Variants in PRRT1B observed in about 807,000 individuals in gnomAD.
PRRT1B encodes dispanin subfamily D member 2.
chr9:131,552,016 C>T (rs1032814404), intron 1 of PRRT1B, among the ~76,000 whole-genome samples: 1 of 152,196 alleles, frequency 6.6e-6, no homozygotes, highest in Non-Finnish European at 1.5e-5. Context: ...TGGTCTGGAA[C>T]TCCTGACCTC....
chr9:131,551,047 A>T lies in PRRT1B; in HGVS notation c.26-3510A>T, dbSNP rs1475921075. On this transcript the variant is annotated intron_variant, in intron 1 of 3. Coordinates refer to ENST00000636672, the Ensembl canonical transcript of PRRT1B. The surrounding 1 kb of genome is among the most constrained non-coding windows in gnomAD (Gnocchi z 4.4). The stretch of plus-strand genomic sequence containing the variant: ...AAGCTCTGCCTCCCGGGTTCACGCC[A>T]TTCTTCTGCCTCAGCCTCCCGAGTA... 7.4e-6 allele frequency among the ~76,000 whole-genome samples: 1 copy of T among 135,016 alleles called. No individual in the cohort carries two copies. The highest frequency in any genetic ancestry group is 1.5e-5 in the Non-Finnish European group (1 of 65,884). 88.6% of individuals were successfully genotyped at this position (135,016 alleles called of 152,430 possible). A position where few individuals can be genotyped will look rare whatever the true frequency, so the allele number is the denominator to read the frequency against.
intron 1 of PRRT1B, among the ~76,000 whole-genome samples, chr9:131,546,136 T>C (rs568216081): frequency 6.6e-6 from 1 of 152,188 alleles, no homozygotes; most frequent in South Asian, 2.1e-4. Flanking sequence ...GTCCCGCCTC[T>C]GGCAGCTCAG....
intron 3 of PRRT1B, among the ~76,000 whole-genome samples, 177 bp from the exon 4 acceptor site, chr9:131,557,876 G>A (rs1193470606): frequency 6.6e-6 from 1 of 152,268 alleles, no homozygotes; most frequent in East Asian, 1.9e-4. Context: ...GATGGCTGGC[G>A]GCCGCCACTG....
intron 1 of PRRT1B, among the ~76,000 whole-genome samples, chr9:131,552,565 C>T (rs1421935442): frequency 6.6e-6 from 1 of 152,186 alleles, no homozygotes; most frequent in East Asian, 1.9e-4. Flanking sequence ...AGTTCTGTTT[C>T]ACCTTCTATG....
intron 1 of PRRT1B, among the ~76,000 whole-genome samples, chr9:131,550,044 C>G (rs1379066772): frequency 1.3e-5 from 2 of 152,132 alleles, no homozygotes; most frequent in Non-Finnish European, 2.9e-5. Flanking sequence ...CACCCTTACC[C>G]TGCTCAATGC....
intron 1 of PRRT1B, among the ~76,000 whole-genome samples, chr9:131,547,844 G>A (rs890615337): frequency 1.3e-5 from 2 of 152,114 alleles, no homozygotes; most frequent in African/African-American, 4.8e-5. Context: ...CAGTCTTGGT[G>A]CCACACTTCA....
At chr9:131,558,823 G>A (rs984940650), downstream of PRRT1B, among the ~76,000 whole-genome samples, 1 of 152,172 alleles carries the variant, frequency 6.6e-6, no homozygotes, top group Non-Finnish European at 1.5e-5. Flanking sequence ...ACATCCGTGC[G>A]GAGCTTCACA....
chr9:131,547,711 A>G (rs1564415721), intron 1 of PRRT1B, among the ~76,000 whole-genome samples: 1 of 152,176 alleles, frequency 6.6e-6, no homozygotes, highest in Non-Finnish European at 1.5e-5. Flanking sequence ...AGATCCACCT[A>G]CGACCTCGGG....
At chr9:131,552,850 T>G (rs1181704110) in intron 1 of PRRT1B, among the ~76,000 whole-genome samples, 1 of 147,608 alleles carries the variant, frequency 6.8e-6, no homozygotes, top group East Asian at 2.0e-4. Flanking sequence ...TTTTTTTTTT[T>G]TTTTTTTTGT....
chr9:131,553,238 G>A (rs1224016478), intron 1 of PRRT1B, among the ~76,000 whole-genome samples: 1 of 152,130 alleles, frequency 6.6e-6, no homozygotes, highest in Non-Finnish European at 1.5e-5. Flanking sequence ...TCTCTGGGAC[G>A]CTTTCTCATC....
At chr9:131,554,969 C>T (rs1951038637) in exon 2 of PRRT1B, 1 of 391,774 alleles carries the variant, frequency 2.6e-6, no homozygotes, top group Admixed American at 4.5e-5. Context: ...TCTACCCAGC[C>T]GCGCCCACGC....
chr9:131,545,740 G>GGGCAGGTACTGGCGC, intron 1 of PRRT1B, 100 bp downstream of exon 1: 1 of 405,202 alleles, frequency 2.5e-6, no homozygotes. Context: ...GGTACTGGCG[G>GGGCAGGTACTGGCGC]GGCAGGTGCT....
intron 1 of PRRT1B, among the ~76,000 whole-genome samples, chr9:131,553,692 A>G (rs1951026878): frequency 6.6e-6 from 1 of 152,176 alleles, no homozygotes; most frequent in South Asian, 2.1e-4. Flanking sequence ...ACACTTAGGA[A>G]ATGGACCTCC....
At chr9:131,555,928 C>A (rs566621020) in intron 2 of PRRT1B, 142 bp from the exon 3 acceptor site, 1 of 396,214 alleles carries the variant, frequency 2.5e-6, no homozygotes, top group Admixed American at 4.4e-5. Flanking sequence ...CCTGACCCAA[C>A]CCCTCCGTGA....
chr9:131,554,431 T>G, intron 1 of PRRT1B, 126 bp from the exon 2 acceptor site: 1 of 365,796 alleles, frequency 2.7e-6, no homozygotes, highest in African/African-American at 2.1e-5. Flanking sequence ...TTAGTCCCTT[T>G]GCGTCACGAT....
In PRRT1B at chr9:131,551,721, C is replaced by T. The variant is rs906014726; in HGVS notation, c.26-2836C>T. On this transcript the variant is annotated intron_variant, in intron 1 of 3. Coordinates refer to ENST00000636672, the Ensembl canonical transcript of PRRT1B. This position sits in a 1 kb window ranked among gnomAD's most constrained non-coding sequence, Gnocchi z 4.4. ...GGCTCATCCTGGCTCAAAAGCTCCC[C>T]CACTGAGCACCTTGTGACCCCCACT... 9.2e-5 allele frequency among the ~76,000 whole-genome samples: 14 copies of T among 152,168 alleles called. No homozygotes were observed. The highest frequency in any genetic ancestry group is 1.5e-4 in the Non-Finnish European group (10 of 68,000).
chr9:131,549,596 A>G (rs74608184), intron 1 of PRRT1B, among the ~76,000 whole-genome samples: 13,751 of 152,074 alleles, frequency 0.09, 808 homozygotes, highest in Admixed American at 0.14. Context: ...CCCCTAGACC[A>G]TCACGGATGC....
chr9:131,549,283 G>C (rs1231885958), intron 1 of PRRT1B, among the ~76,000 whole-genome samples: 1 of 152,164 alleles, frequency 6.6e-6, no homozygotes, highest in African/African-American at 2.4e-5. Context: ...ACATCTCCAG[G>C]ACACAAGAAC....
chr9:131,553,510 G>C (rs1951025770), intron 1 of PRRT1B, among the ~76,000 whole-genome samples: 1 of 152,152 alleles, frequency 6.6e-6, no homozygotes, highest in African/African-American at 2.4e-5. Flanking sequence ...TGCTGGGAGG[G>C]GGTTGAGGCA....
Sources: gnomAD v4.1 joint callset for allele counts (sites outside exome capture counted in the v4.1 genomes callset) on GRCh38, gnomAD v4.1.1 for gene constraint, Gnocchi (gnomAD v3.1) non-coding constraint, MANE v1.5 for transcripts, NCBI Gene and HGNC (gene_info 2026-07-23, HGNC 2026-07-21) for gene names.